Variants in PDXDC1 observed in about 807,000 individuals in gnomAD.
The protein encoded by PDXDC1 is pyridoxal-dependent decarboxylase domain-containing protein 1.
In PDXDC1, 42 loss-of-function variants were observed where a neutral mutation model predicts 100.1. The ratio of observed to expected loss-of-function variants is 0.42; its 90% CI spans 0.33 to 0.54. The LOEUF (loss-of-function observed/expected upper bound fraction) is 0.54, where lower values mean the gene tolerates loss of function less well. PDXDC1 is among the 20% of genes least tolerant of loss of function. The probability of loss-of-function intolerance (pLI) is 0.10; values close to 1 mark genes in which losing one functional copy is unlikely to be tolerated. For synonymous variants in PDXDC1, 260 were observed against 371.7 expected, an observed-to-expected ratio of 0.70 and a Z score of 3.46; for missense variants, 636 against 979.2, an observed-to-expected ratio of 0.65 and a Z score of 4.68.
At position 15,092,542 on chromosome 16, in the gene PDXDC1, T is replaced by C. The variant is rs753461462; in HGVS notation, c.1400-46337T>C. 3 of 1,613,404 alleles carry C rather than the reference T, an allele frequency of 1.9e-6. No individual in the cohort carries two copies. In the East Asian group the frequency reaches 6.7e-5, roughly 36 times the overall value. On this transcript the variant is annotated intron_variant, in intron 16 of 16. Transcript: ENST00000535621. ...ACTTCAGCAAGACTTCTGTCACAGT[T>C]CCACCAAACCGAACAGTTTTTCTTG...
chr16:15,090,272 T>C (rs2046080023), intron 16 of PDXDC1, among the ~76,000 whole-genome samples: 1 of 151,384 alleles, frequency 6.6e-6, no homozygotes, highest in Admixed American at 6.6e-5. Flanking sequence ...GTCAGGGTAA[T>C]TACTACAGTG....
chr16:15,112,213 A>G lies in PDXDC1; in HGVS notation c.1400-26666A>G, dbSNP rs1455625558. ...GGGTCAGATACCTATGAATCTCCTG[A>G]GGTAGTCATTGAAATGACTTTTTTC... is the stretch of plus-strand genomic sequence containing the variant. On this transcript the variant is annotated intron_variant, in intron 16 of 16. Coordinates refer to the PDXDC1 transcript ENST00000535621. Among the ~76,000 whole-genome samples, 5 of 148,516 alleles carry G rather than the reference A, an allele frequency of 3.4e-5. No homozygotes were observed. The Admixed American group carries it at 3.4e-4, about 10-fold the overall frequency.
At chr16:15,005,490 G>A (rs1974070394) in intron 5 of PDXDC1, among the ~76,000 whole-genome samples, 3 of 152,402 alleles carry the variant, frequency 2.0e-5, no homozygotes, top group African/African-American at 7.2e-5. Context: ...AGGAATGTTT[G>A]CCTAACTTGA....
chr16:15,144,180 G>C (rs1432941935), downstream of PDXDC1, among the ~76,000 whole-genome samples: 4 of 152,300 alleles, frequency 2.6e-5, no homozygotes, highest in East Asian at 3.9e-4. Flanking sequence ...AGGAAATGGG[G>C]TGCAGTGTGG....
chr16:14,997,499 A>G (rs891262549), intron 1 of PDXDC1, among the ~76,000 whole-genome samples: 2 of 152,408 alleles, frequency 1.3e-5, no homozygotes, highest in East Asian at 1.9e-4. Context: ...AGGTCATGCC[A>G]TTGCACTCTA....
At chr16:15,131,562 G>A (rs1020419953) in intron 16 of PDXDC1, 6 of 1,609,000 alleles carry the variant, frequency 3.7e-6, no homozygotes, top group Non-Finnish European at 3.4e-6. Flanking sequence ...GCTCCTCGTT[G>A]AGCACGCGGG....
chr16:14,977,104 T>C (rs1966874781), intron 1 of PDXDC1, among the ~76,000 whole-genome samples: 1 of 152,262 alleles, frequency 6.6e-6, no homozygotes, highest in African/African-American at 2.4e-5. Context: ...TTAAACTCTC[T>C]CAATGAGGAT....
chr16:15,037,559 A>AATTATCACCTTCAAG lies in PDXDC1; in HGVS notation c.*1286_*1300dup, dbSNP rs1159743320. The AATTATCACCTTCAAG allele has an allele frequency of 6.5e-6, 1 of 153,394 alleles. No individual in the cohort carries two copies. The highest frequency in any genetic ancestry group is 1.4e-5 in the Non-Finnish European group (1 of 69,068). The allele number at this position is 153,394 out of a possible 1,614,324, so 9.5% of individuals were successfully genotyped here. A position where few individuals can be genotyped will look rare whatever the true frequency, so the allele number is the denominator to read the frequency against. On this transcript the variant is annotated 3_prime_UTR_variant, in exon 23 of 23. Transcript: ENST00000396410. ...TAGCAGATAAAATGGGGGAGGGGTA[A>AATTATCACCTTCAAG]ATTATCACCTTCAAGAAAATTACAT...
intron 16 of PDXDC1, among the ~76,000 whole-genome samples, chr16:15,059,370 T>C (rs566512124): frequency 6.6e-5 from 10 of 152,284 alleles, no homozygotes; most frequent in Non-Finnish European, 1.3e-4. Context: ...ATAGAAGTTA[T>C]CTTTAACCAA....
chr16:15,101,193 A>G (rs146908501), intron 16 of PDXDC1, among the ~76,000 whole-genome samples: 2 of 152,374 alleles, frequency 1.3e-5, no homozygotes, highest in Non-Finnish European at 2.9e-5. Flanking sequence ...GGTTCTCCGT[A>G]AATGACAGTA....
chr16:15,034,038 T>C lies in PDXDC1; in HGVS notation c.1813-248T>C, dbSNP rs2043236595. 7 of 573,742 alleles carry C rather than the reference T, an allele frequency of 1.2e-5. No homozygotes were observed. The South Asian group carries it at 1.5e-4, about 13-fold the overall frequency. The allele number at this position is 573,742 out of a possible 1,614,324, so 35.5% of individuals were successfully genotyped here. A position where few individuals can be genotyped will look rare whatever the true frequency, so the allele number is the denominator to read the frequency against. ...GACTCCTTAAGGTTTCTTTCCAGCCTGACTTTATGACTTCTCTGTTTTCAA... is the reference window on the plus strand; with the variant it reads ...GACTCCTTAAGGTTTCTTTCCAGCCCGACTTTATGACTTCTCTGTTTTCAA... On this transcript the variant is annotated intron_variant, in intron 19 of 22. Transcript: ENST00000396410.
In PDXDC1 at chr16:15,024,308, C is replaced by T. The variant is rs533061164; in HGVS notation, c.1140+1554C>T. Among the ~76,000 whole-genome samples the T allele has an allele frequency of 3.3e-5, 5 of 152,356 alleles. No homozygotes were observed. In the South Asian group the frequency reaches 1.0e-3, roughly 32 times the overall value. ...GAAATTCATGTGTGGTACTAAGTAC[C>T]TTACATGAATTATTTCATTTAACCC... On this transcript the variant is annotated intron_variant, in intron 13 of 22. Coordinates refer to ENST00000396410, the MANE Select transcript of PDXDC1 (RefSeq NM_015027.4).
chr16:15,075,735 C>G (rs1243988984), intron 16 of PDXDC1, among the ~76,000 whole-genome samples: 1 of 152,128 alleles, frequency 6.6e-6, no homozygotes, highest in African/African-American at 2.4e-5. Context: ...TGAGACCTAT[C>G]CATGCAAAAA....
At chr16:15,019,758 G>A (rs114411480) in intron 12 of PDXDC1, among the ~76,000 whole-genome samples, 1,146 of 151,962 alleles carry the variant, frequency 7.5e-3, no homozygotes, top group African/African-American at 0.026. Flanking sequence ...ACTCATTTGC[G>A]ATTAGGTTTC....
At chr16:15,089,806 AAAAAAC>A in intron 16 of PDXDC1, among the ~76,000 whole-genome samples, 3 of 149,790 alleles carry the variant, frequency 2.0e-5, no homozygotes, top group Non-Finnish European at 4.4e-5. Context: ...AAAAAAAAAA[AAAAAAC>A]AGATTAAAGG....
At chr16:15,109,916 G>A (rs546128215) in intron 16 of PDXDC1, among the ~76,000 whole-genome samples, 6 of 143,232 alleles carry the variant, frequency 4.2e-5, no homozygotes, top group Admixed American at 2.8e-4. Flanking sequence ...CACTTTGGGA[G>A]GCTGAGGCGG....
chr16:15,033,049 G>A (rs987004381), intron 18 of PDXDC1, 70 bp downstream of exon 18: 26 of 1,083,404 alleles, frequency 2.4e-5, no homozygotes, highest in Middle Eastern at 2.0e-4. Flanking sequence ...TGAAGACGAC[G>A]GCTCATCCCT....
At chr16:15,019,828 A>G (rs1370936736) in intron 12 of PDXDC1, among the ~76,000 whole-genome samples, 1 of 152,284 alleles carries the variant, frequency 6.6e-6, no homozygotes, top group Non-Finnish European at 1.5e-5. Flanking sequence ...AAGCAAAAAA[A>G]CAGGCTGGGC....
At position 15,137,683 on chromosome 16, in the gene PDXDC1, C is replaced by T. The variant is rs1171558799; in HGVS notation, c.1400-1196C>T. 6.0e-6 allele frequency: 7 copies of T among 1,161,198 alleles called. No individual in the cohort carries two copies. In the African/African-American group the frequency reaches 6.1e-5, roughly 10 times the overall value. 71.9% of individuals were successfully genotyped at this position (1,161,198 alleles called of 1,614,324 possible). Reference sequence around the variant, plus strand: ...CCCAGAGAGGCCTTCCTGAGCCCTGCCCAGTGTCTGCAGGGCCCAGGTCCC... The same window carrying T: ...CCCAGAGAGGCCTTCCTGAGCCCTGTCCAGTGTCTGCAGGGCCCAGGTCCC... On this transcript the variant is annotated intron_variant, in intron 16 of 16. Coordinates refer to the PDXDC1 transcript ENST00000535621.
Sources: gnomAD v4.1 joint callset for allele counts (sites outside exome capture counted in the v4.1 genomes callset) on GRCh38, gnomAD v4.1.1 for gene constraint, MANE v1.5 for transcripts, NCBI Gene and HGNC (gene_info 2026-07-23, HGNC 2026-07-21) for gene names.